Variants in MICAL2 observed in about 807,000 individuals in gnomAD.
MICAL2 encodes [F-actin]-monooxygenase MICAL2.
Under a neutral mutation model 127.3 loss-of-function variants are expected in MICAL2, and 77 were observed. The ratio of observed to expected loss-of-function variants is 0.60; its 90% CI spans 0.50 to 0.73. The LOEUF is 0.73. MICAL2 is among the 30% of genes least tolerant of loss of function. The probability of loss-of-function intolerance (pLI) is 0.00; values close to 1 mark genes in which losing one functional copy is unlikely to be tolerated. For missense variants in MICAL2, 1,351 were observed against 1,434.4 expected, an observed-to-expected ratio of 0.94 and a Z score of 0.94; for synonymous variants, 570 against 551.1, an observed-to-expected ratio of 1.03 and a Z score of -0.48.
chr11:12,213,777 G>A (rs962848683), intron 7 of MICAL2, among the ~76,000 whole-genome samples: 1 of 152,168 alleles, frequency 6.6e-6, no homozygotes, highest in African/African-American at 2.4e-5. Context: ...GGCCAGCACC[G>A]CACCTGAGGT....
intron 32 of MICAL2, among the ~76,000 whole-genome samples, chr11:12,341,370 G>A (rs373846852): frequency 5.9e-5 from 9 of 151,772 alleles, no homozygotes; most frequent in South Asian, 2.1e-4. Flanking sequence ...TATGAACCAC[G>A]CAGCAAAACA....
At chr11:12,154,161 A>G (rs1415812478) in intron 2 of MICAL2, among the ~76,000 whole-genome samples, 1 of 152,200 alleles carries the variant, frequency 6.6e-6, no homozygotes, top group Non-Finnish European at 1.5e-5. Context: ...TGGAAGGAAC[A>G]CAGCCTTGGG....
At position 12,191,786 on chromosome 11, in the gene MICAL2, AG is replaced by A. The variant is rs1031380327; in HGVS notation, c.265-12463del. On this transcript the variant is annotated intron_variant, in intron 3 of 27. Coordinates refer to ENST00000683283, the MANE Select transcript of MICAL2 (RefSeq NM_001282663.2). ...TGTCTCCAAAAAGAAAAAGAAAAAA[AG>A]AGAGAGATGTTGGGTTATGATAAGC... is the stretch of plus-strand genomic sequence containing the variant. Among the ~76,000 whole-genome samples, 96 of 49,420 alleles carry A rather than the reference AG, an allele frequency of 1.9e-3. 1 individual carries two copies. The highest frequency in any genetic ancestry group is 9.5e-3 in the Admixed American group (57 of 6,030). The allele number at this position is 49,420 out of a possible 152,430, so 32.4% of individuals were successfully genotyped here.
chr11:12,249,685 GCT>G (rs1752914670), intron 22 of MICAL2, among the ~76,000 whole-genome samples: 1 of 152,200 alleles, frequency 6.6e-6, no homozygotes, highest in African/African-American at 2.4e-5. Context: ...TGCACATTCT[GCT>G]CTCACTGCTG....
intron 4 of MICAL2, among the ~76,000 whole-genome samples, chr11:12,206,888 T>C (rs140780720): frequency 6.0e-4 from 92 of 152,278 alleles, no homozygotes; most frequent in African/African-American, 2.0e-3. Flanking sequence ...TGAGTCTTCC[T>C]GCTCCTCCCC....
intron 13 of MICAL2, 81 bp downstream of exon 13, chr11:12,224,901 G>T (rs755896311): frequency 2.0e-4 from 293 of 1,479,312 alleles, no homozygotes; most frequent in Non-Finnish European, 2.5e-4. Flanking sequence ...TCATTACTTG[G>T]TTCAATATTT....
intron 3 of MICAL2, among the ~76,000 whole-genome samples, chr11:12,178,142 A>G (rs960220758): frequency 5.3e-5 from 8 of 152,236 alleles, no homozygotes; most frequent in Non-Finnish European, 7.3e-5. Context: ...CTGTGCCTAC[A>G]TGATGAAGCT....
chr11:12,112,536 G>A (rs991586896), intron 1 of MICAL2, among the ~76,000 whole-genome samples: 3 of 150,578 alleles, frequency 2.0e-5, no homozygotes, highest in East Asian at 2.0e-4. Context: ...TTCTAGTTTC[G>A]TGGGGCTTTT....
At chr11:12,275,999 C>T (rs1863718919), upstream of MICAL2, 1 of 399,132 alleles carries the variant, frequency 2.5e-6, no homozygotes, top group African/African-American at 2.1e-5. Context: ...AGCCCACCTC[C>T]CCCAAGAGGC....
chr11:12,122,119 G>C (rs1186437933), intron 1 of MICAL2, among the ~76,000 whole-genome samples: 1 of 152,238 alleles, frequency 6.6e-6, no homozygotes, highest in African/African-American at 2.4e-5. Flanking sequence ...TTCAGTCACT[G>C]TAAACACTGG....
chr11:12,291,567 C>G (rs1473459791), downstream of MICAL2, among the ~76,000 whole-genome samples: 1 of 152,242 alleles, frequency 6.6e-6, no homozygotes, highest in Non-Finnish European at 1.5e-5. Context: ...TGGGCCCACT[C>G]CATATCCTTC....
At chr11:12,170,872 C>G (rs1451713544) in intron 3 of MICAL2, among the ~76,000 whole-genome samples, 3 of 152,230 alleles carry the variant, frequency 2.0e-5, no homozygotes, top group African/African-American at 7.2e-5. Context: ...ATGCCTGGTT[C>G]ATCCCCGCGT....
Position 12,279,519 on chromosome 11 carries a change from G to A in MICAL2, c.88-1414G>A, listed in dbSNP as rs75872241. Among the ~76,000 whole-genome samples, 746 of 152,298 alleles carry A rather than the reference G, an allele frequency of 4.9e-3. 5 individuals are homozygous for A. Among genetic ancestry groups the A allele is most frequent in the African/African-American group, 0.016 (656 of 41,556 alleles). ...CCTTCAGAGTCTTCTAAGCCTCCAC[G>A]TAGGCAGGCCTGTTTCCATAATAAC... On this transcript the variant is annotated intron_variant, in intron 1 of 2. Coordinates refer to the MICAL2 transcript ENST00000529028.
intron 3 of MICAL2, among the ~76,000 whole-genome samples, chr11:12,175,481 C>CA (rs560749217): frequency 2.7e-5 from 4 of 150,456 alleles, no homozygotes; most frequent in African/African-American, 9.8e-5. Flanking sequence ...GGGTCGAAAA[C>CA]AAAAAAAAGA....
intron 24 of MICAL2, among the ~76,000 whole-genome samples, 200 bp from the exon 25 acceptor site, chr11:12,258,268 G>C (rs1178170809): frequency 1.3e-5 from 2 of 152,212 alleles, no homozygotes; most frequent in South Asian, 4.1e-4. Context: ...CTCTGAGGCA[G>C]CAAAGGGCCC....
chr11:12,233,152 C>A (rs758226969), intron 15 of MICAL2, among the ~76,000 whole-genome samples: 1 of 152,172 alleles, frequency 6.6e-6, no homozygotes, highest in Non-Finnish European at 1.5e-5. Context: ...CTGTCTAGCA[C>A]GTTATAGTTT....
Position 12,256,984 on chromosome 11 carries a change from G to C in MICAL2, c.3142+13G>C, listed in dbSNP as rs1014397616. On this transcript the variant is annotated intron_variant, in intron 24 of 27. Transcript: ENST00000683283. ...GACTGCGATGAAGGTAACCCCAGGG[G>C]CCAGGGCAGCACTGGGCTCTGGCCT... 1 of 1,607,134 alleles carries C rather than the reference G, an allele frequency of 6.2e-7. No individual in the cohort carries two copies. Among genetic ancestry groups the C allele is most frequent in the Admixed American group, 1.7e-5 (1 of 59,704 alleles).
intron 21 of MICAL2, 65 bp from the exon 22 acceptor site, chr11:12,249,119 T>C: frequency 6.2e-7 from 1 of 1,604,304 alleles, no homozygotes; most frequent in Non-Finnish European, 8.5e-7. Flanking sequence ...CTTTCCCCAG[T>C]GGAAGAGAAT....
intron 1 of MICAL2, among the ~76,000 whole-genome samples, chr11:12,133,155 C>T (rs913999861): frequency 6.6e-6 from 1 of 152,184 alleles, no homozygotes; most frequent in African/African-American, 2.4e-5. Flanking sequence ...CATCTCGGCT[C>T]ACTGCAGCTT....
Sources: allele counts gnomAD v4.1 joint callset (sites outside exome capture counted in the v4.1 genomes callset), GRCh38; gene constraint gnomAD v4.1.1; transcripts MANE v1.5; gene names NCBI Gene and HGNC (gene_info 2026-07-23, HGNC 2026-07-21).